PLCG1: variants seen among roughly 807,000 people sequenced by gnomAD.
The protein encoded by PLCG1 is phospholipase C gamma 1, also known as 1-phosphatidylinositol 4,5-bisphosphate phosphodiesterase gamma-1.
Under a neutral mutation model 177.8 loss-of-function variants are expected in PLCG1, and 71 were observed. The ratio of observed to expected loss-of-function variants is 0.40; its 90% CI spans 0.33 to 0.49. PLCG1 has a LOEUF of 0.49. Ranked by LOEUF, PLCG1 falls within the 20% of genes least tolerant of loss-of-function variation. The pLI, the probability that PLCG1 is intolerant of heterozygous loss-of-function variation, is 0.72. For synonymous variants in PLCG1, 658 were observed against 647.9 expected (o/e 1.02, Z -0.24); for missense variants, 1,281 against 1,709.0 (o/e 0.75, Z 4.42).
Position 41,160,775 on chromosome 20 carries a change from G to A in PLCG1, c.512+622G>A, listed in dbSNP as rs1568741268. On this transcript the variant is annotated intron_variant, in intron 4 of 31. Transcript: ENST00000685551. The surrounding 1 kb of genome is among the most constrained non-coding windows in gnomAD (Gnocchi z 5.5). ...GGCCATGTTGTATTTTGAAGATAGC[G>A]CCAGAAAGAATGTCCTTAACAGATT... 6.6e-6 allele frequency among the ~76,000 whole-genome samples: 1 copy of A among 152,150 alleles called. No homozygotes were observed. Among genetic ancestry groups the A allele is most frequent in the Non-Finnish European group, 1.5e-5 (1 of 68,022 alleles).
chr20:41,154,463 C>T (rs995648341), intron 1 of PLCG1, among the ~76,000 whole-genome samples: 8 of 152,376 alleles, frequency 5.3e-5, no homozygotes, highest in African/African-American at 1.9e-4. Flanking sequence ...TTCTCTTTCT[C>T]TTCCCTAGGG....
Position 41,172,374 on chromosome 20 carries a change from C to G in PLCG1, c.2906-47C>G, listed in dbSNP as rs773980019. 6.3e-7 allele frequency: 1 copy of G among 1,590,638 alleles called. No individual in the cohort carries two copies. On this transcript the variant is annotated intron_variant, in intron 25 of 31. Coordinates refer to ENST00000685551, the MANE Select transcript of PLCG1 (RefSeq NM_002660.3). This position sits in a 1 kb window ranked among gnomAD's most constrained non-coding sequence, Gnocchi z 7.0. ...AGAGTATTTAGGTATCCCCCCAACA[C>G]TTCCTGGGTGGGCGGGCTCTGTAAG...
rs1201074655 is a variant in PLCG1, at chr20:41,164,640, TCTC to T, written c.1218-289_1218-287del. ...GCTCTAACAGCTAACTTTGGAGGCT[TCTC>T]CTCTCTCCTGGCCTCTTTGGTGTGA... On this transcript the variant is annotated intron_variant, in intron 12 of 31. Coordinates refer to ENST00000685551, the MANE Select transcript of PLCG1 (RefSeq NM_002660.3). This position sits in a 1 kb window ranked among gnomAD's most constrained non-coding sequence, Gnocchi z 6.4. Among the ~76,000 whole-genome samples, 2 of 152,086 alleles carry T rather than the reference TCTC, an allele frequency of 1.3e-5. No individual in the cohort carries two copies. Among genetic ancestry groups the T allele is most frequent in the Admixed American group, 1.3e-4 (2 of 15,268 alleles).
rs2035713780 is a variant in PLCG1 at position 41,166,883 on chromosome 20, G to A, written c.2301+24G>A. Reference sequence around the variant, plus strand: ...CTGTGAGGGGGCTGTGGTAGACGGGGCATGGCAGGGGAGGCAGGAGAGACC... The same window carrying A: ...CTGTGAGGGGGCTGTGGTAGACGGGACATGGCAGGGGAGGCAGGAGAGACC... On this transcript the variant is annotated intron_variant, in intron 19 of 31. Coordinates refer to ENST00000685551, the MANE Select transcript of PLCG1 (RefSeq NM_002660.3). This position sits in a 1 kb window ranked among gnomAD's most constrained non-coding sequence, Gnocchi z 8.6. 1 of 1,607,008 alleles carries A rather than the reference G, an allele frequency of 6.2e-7. No homozygotes were observed. The highest frequency in any genetic ancestry group is 8.5e-7 in the Non-Finnish European group (1 of 1,173,876).
chr20:41,174,194 A>G lies in PLCG1; in HGVS notation c.3716A>G (p.Gln1239Arg). 3 of 1,614,164 alleles carry G rather than the reference A, an allele frequency of 1.9e-6. No individual in the cohort carries two copies. The highest frequency in any genetic ancestry group is 2.5e-6 in the Non-Finnish European group (3 of 1,180,022). Reference sequence around the variant, plus strand: ...GAGCGGGGCTCAGATGCCTCAGGCCAGCTGTTTCATGGCCGAGCCCGGGAA... The same window carrying G: ...GAGCGGGGCTCAGATGCCTCAGGCCGGCTGTTTCATGGCCGAGCCCGGGAA... ...LRERGSDASGQLFHGRAREGS... is the reference protein window; with the variant it reads ...LRERGSDASGRLFHGRAREGS... The change falls in exon 31 of 32, where the codon CAG becomes CGG. Residue 1239 changes from glutamine (Q) to arginine (R), a missense_variant. Coordinates refer to ENST00000685551, the MANE Select transcript of PLCG1 (RefSeq NM_002660.3). The surrounding 1 kb of genome is among the most constrained non-coding windows in gnomAD (Gnocchi z 5.8).
In PLCG1 at chr20:41,164,264, CAG is replaced by C; in HGVS notation, c.1217+66_1217+67del. 3 of 1,562,702 alleles carry C rather than the reference CAG, an allele frequency of 1.9e-6. No homozygotes were observed. In the Admixed American group the frequency reaches 5.0e-5, roughly 26 times the overall value. ...CTCCAGGTCTCTCGTTCTAGAGGGACAGAGGGCAGAAAGACTCCTCAAATGCC... is the reference window on the plus strand; with the variant it reads ...CTCCAGGTCTCTCGTTCTAGAGGGACAGGGCAGAAAGACTCCTCAAATGCC... On this transcript the variant is annotated intron_variant, in intron 12 of 31. Transcript: ENST00000685551. This position sits in a 1 kb window ranked among gnomAD's most constrained non-coding sequence, Gnocchi z 6.4.
In PLCG1 at chr20:41,139,883, A is replaced by C. The variant is rs924017495; in HGVS notation, c.217+2025A>C. Among the ~76,000 whole-genome samples the C allele has an allele frequency of 3.3e-5, 5 of 152,174 alleles. No homozygotes were observed. In the South Asian group the frequency reaches 8.3e-4, roughly 25 times the overall value. The stretch of plus-strand genomic sequence containing the variant: ...CAGGAAACAGTTTTGTTTTGCCCCA[A>C]CCCATGTGCCCACTCACCCACCCAC... On this transcript the variant is annotated intron_variant, in intron 1 of 31. Transcript: ENST00000685551.
chr20:41,161,488 T>C (rs1362786453), intron 4 of PLCG1, among the ~76,000 whole-genome samples: 1 of 152,054 alleles, frequency 6.6e-6, no homozygotes, highest in Non-Finnish European at 1.5e-5. Context: ...GAGGGCAAGA[T>C]CGGTGATGCA....
Position 41,156,872 on chromosome 20 carries a change from G to C in PLCG1, c.218-2734G>C, listed in dbSNP as rs187623954. 2.0e-5 allele frequency among the ~76,000 whole-genome samples: 3 copies of C among 152,340 alleles called. No individual in the cohort carries two copies. The East Asian group carries it at 5.8e-4, about 29-fold the overall frequency. On this transcript the variant is annotated intron_variant, in intron 1 of 31. Coordinates refer to ENST00000685551, the MANE Select transcript of PLCG1 (RefSeq NM_002660.3). This position sits in a 1 kb window ranked among gnomAD's most constrained non-coding sequence, Gnocchi z 5.0. Reference sequence around the variant, plus strand: ...CCATTCCTCTCTGGGGAGTCTCCTTGTGAATTTCTGGGGACCAGCTCTGGC... The same window carrying C: ...CCATTCCTCTCTGGGGAGTCTCCTTCTGAATTTCTGGGGACCAGCTCTGGC...
chr20:41,152,959 T>C (rs1442786401), intron 1 of PLCG1, among the ~76,000 whole-genome samples: 3 of 152,198 alleles, frequency 2.0e-5, no homozygotes, highest in African/African-American at 7.2e-5. Flanking sequence ...TTAATTGGAC[T>C]TGGACCCTTT....
chr20:41,152,345 TC>T (rs565667780), intron 1 of PLCG1, among the ~76,000 whole-genome samples: 117 of 152,354 alleles, frequency 7.7e-4, no homozygotes, highest in African/African-American at 2.8e-3. Flanking sequence ...TTCCCGTGGT[TC>T]CCACTGGCTA....
In PLCG1 at chr20:41,159,525, T is replaced by G; in HGVS notation, c.218-81T>G. ...TCCTCCCTGAGAGAGAGTGTAAGAA[T>G]GAGGAAACCAGGCTGCCCTCCTTTC... On this transcript the variant is annotated intron_variant, in intron 1 of 31. Transcript: ENST00000685551. This position sits in a 1 kb window ranked among gnomAD's most constrained non-coding sequence, Gnocchi z 6.0. 5 of 1,447,754 alleles carry G rather than the reference T, an allele frequency of 3.5e-6. No individual in the cohort carries two copies. Among genetic ancestry groups the G allele is most frequent in the Non-Finnish European group, 4.8e-6 (5 of 1,051,316 alleles). The allele number at this position is 1,447,754 out of a possible 1,614,324, so 89.7% of individuals were successfully genotyped here.
chr20:41,170,187 T>G lies in PLCG1; in HGVS notation c.2726T>G (p.Leu909Arg), dbSNP rs2035848056. ...ATGGCGTCGGTGGCCCACTGGTCCC[T>G]GGATGTTGCTGCCGACTCACAGGAG... ...ISMASVAHWS[L>R]DVAADSQEEL... is the part of the protein sequence containing the mutation. The change falls in exon 24 of 32, where the codon CTG becomes CGG. Residue 909 changes from leucine to arginine, a missense_variant. Leu to Arg is a moderately radical substitution (Grantham distance 102, BLOSUM62 -2). Coordinates refer to ENST00000685551, the MANE Select transcript of PLCG1 (RefSeq NM_002660.3). 6.2e-7 allele frequency: 1 copy of G among 1,613,988 alleles called. No homozygotes were observed. The highest frequency in any genetic ancestry group is 1.3e-5 in the African/African-American group (1 of 74,922).
Position 41,164,901 on chromosome 20 carries a change from C to A in PLCG1, c.1218-32C>A. ...ACTTAGACCCAGAGAATTGCAGAAT[C>A]TGTTTCACTGTGCTTGTCCCCCATC... On this transcript the variant is annotated intron_variant, in intron 12 of 31. Transcript: ENST00000685551. The surrounding 1 kb of genome is among the most constrained non-coding windows in gnomAD (Gnocchi z 6.4). 6.3e-7 allele frequency: 1 copy of A among 1,598,880 alleles called. No homozygotes were observed. Among genetic ancestry groups the A allele is most frequent in the Non-Finnish European group, 8.5e-7 (1 of 1,169,618 alleles).
chr20:41,168,764 C>T lies in PLCG1; in HGVS notation c.2380-3C>T, dbSNP rs757437846. Reference sequence around the variant, plus strand: ...CTCTGACTGGTGCTTCTCACCTCTGCAGTGTGCAGTCAAAGCCCTCTTTGA... The same window carrying T: ...CTCTGACTGGTGCTTCTCACCTCTGTAGTGTGCAGTCAAAGCCCTCTTTGA... On this transcript the variant is annotated splice_region_variant and splice_polypyrimidine_tract_variant and intron_variant, in intron 20 of 31. Transcript: ENST00000685551. 1.9e-6 allele frequency: 3 copies of T among 1,583,438 alleles called. No homozygotes were observed. Among genetic ancestry groups the T allele is most frequent in the Admixed American group, 3.3e-5 (2 of 59,754 alleles).
At position 41,167,546 on chromosome 20, in the gene PLCG1, A is replaced by C; in HGVS notation, c.2302-306A>C. ...AAGCCACTGAACTAAAGCACTGAAT[A>C]TGGGTAGTCTGTGAAGGGCCCACCT... On this transcript the variant is annotated intron_variant, in intron 19 of 31. Coordinates refer to ENST00000685551, the MANE Select transcript of PLCG1 (RefSeq NM_002660.3). The surrounding 1 kb of genome is among the most constrained non-coding windows in gnomAD (Gnocchi z 4.4). 2.7e-6 allele frequency: 1 copy of C among 368,904 alleles called. No individual in the cohort carries two copies. Among genetic ancestry groups the C allele is most frequent in the Middle Eastern group, 8.2e-4 (1 of 1,224 alleles). The allele number at this position is 368,904 out of a possible 1,614,324, so 22.9% of individuals were successfully genotyped here. A position where few individuals can be genotyped will look rare whatever the true frequency, so the allele number is the denominator to read the frequency against.
At position 41,176,342 on chromosome 20, in the gene PLCG1, C is replaced by G. The variant is rs1275610891; in HGVS notation, c.*1833C>G. On this transcript the variant is annotated 3_prime_UTR_variant, in exon 32 of 32. Coordinates refer to ENST00000685551, the MANE Select transcript of PLCG1 (RefSeq NM_002660.3). Reference sequence around the variant, plus strand: ...TCCCAGTTCATAGAGAGGAGGGTGGCTTTTTCCCATACACAAGAAGGTGGT... The same window carrying G: ...TCCCAGTTCATAGAGAGGAGGGTGGGTTTTTCCCATACACAAGAAGGTGGT... 1.3e-5 allele frequency: 2 copies of G among 152,162 alleles called. No homozygotes were observed. Among genetic ancestry groups the G allele is most frequent in the Admixed American group, 6.5e-5 (1 of 15,280 alleles). 9.4% of individuals were successfully genotyped at this position (152,162 alleles called of 1,614,324 possible).
chr20:41,152,773 G>C (rs2035204460), intron 1 of PLCG1, among the ~76,000 whole-genome samples: 1 of 152,274 alleles, frequency 6.6e-6, no homozygotes, highest in African/African-American at 2.4e-5. Flanking sequence ...AGTGGCCTAA[G>C]ACACCAGGGA....
intron 1 of PLCG1, among the ~76,000 whole-genome samples, chr20:41,155,294 C>T (rs886186497): frequency 2.0e-5 from 3 of 152,182 alleles, no homozygotes; most frequent in Non-Finnish European, 2.9e-5. Context: ...CAAGGCTGAC[C>T]GTCCTATGTG....
Sources: allele counts gnomAD v4.1 joint callset (sites outside exome capture counted in the v4.1 genomes callset), GRCh38; gene constraint gnomAD v4.1.1; non-coding constraint Gnocchi (gnomAD v3.1); transcripts MANE v1.5; gene names NCBI Gene and HGNC (gene_info 2026-07-23, HGNC 2026-07-21).